RUBCN: variants seen among roughly 807,000 people sequenced by gnomAD.
The protein encoded by RUBCN is run domain Beclin-1-interacting and cysteine-rich domain-containing protein.
In RUBCN, 74 loss-of-function variants were observed where a neutral mutation model predicts 113.2. The ratio of observed to expected loss-of-function variants is 0.65; its 90% CI spans 0.54 to 0.79. The LOEUF (loss-of-function observed/expected upper bound fraction) is 0.79. Ranked by LOEUF, RUBCN falls within the 30% of genes least tolerant of loss-of-function variation. The pLI, the probability that RUBCN is intolerant of heterozygous loss-of-function variation, is 0.00. For missense variants in RUBCN, 1,109 were observed against 1,251.7 expected, an observed-to-expected ratio of 0.89 and a Z score of 1.72; for synonymous variants, 480 against 490.0, an observed-to-expected ratio of 0.98 and a Z score of 0.27.
At position 197,705,144 on chromosome 3, in the gene RUBCN, A is replaced by C. The variant is rs1304189758; in HGVS notation, c.251T>G (p.Phe84Cys). ...ACRRQTDYWQ[F>C]VKDIRWLSPH... ...ACTGAGCCACCGGATGTCTTTCACG[A>C]ACTGCCAGTAATCCGTCTGGCGGCG... Residue 84 changes from phenylalanine (F) to cysteine (C), a missense_variant, in exon 3 of 20, where the codon TTC becomes TGC. Phe to Cys is a radical substitution (Grantham distance 205). Coordinates refer to ENST00000296343, the MANE Select transcript of RUBCN (RefSeq NM_014687.4). 2 of 1,614,180 alleles carry C rather than the reference A, an allele frequency of 1.2e-6. No individual in the cohort carries two copies. Among genetic ancestry groups the C allele is most frequent in the Admixed American group, 3.3e-5 (2 of 60,034 alleles).
chr3:197,702,945 A>G (rs1160997481), intron 5 of RUBCN, among the ~76,000 whole-genome samples: 1 of 152,154 alleles, frequency 6.6e-6, no homozygotes, highest in African/African-American at 2.4e-5. Flanking sequence ...TCTTTTCCCC[A>G]GATCTTTGTC....
In RUBCN at chr3:197,674,684, G is replaced by T; in HGVS notation, c.*334C>A. The T allele has an allele frequency of 2.3e-6, 1 of 434,044 alleles. No individual in the cohort carries two copies. The allele number at this position is 434,044 out of a possible 1,614,324, so 26.9% of individuals were successfully genotyped here. ...ATACCTGACATGCAGGTGAAACCTA[G>T]AGGAGAAGGCCACAGACGCTGGAAG... On this transcript the variant is annotated 3_prime_UTR_variant, in exon 20 of 20. Transcript: ENST00000296343.
intron 1 of RUBCN, among the ~76,000 whole-genome samples, chr3:197,742,351 G>A (rs1005273068): frequency 4.9e-4 from 75 of 152,172 alleles, no homozygotes; most frequent in African/African-American, 1.7e-3. Context: ...AAATCAGCTG[G>A]GCTTGGTGGC....
At position 197,670,838 on chromosome 3, in the gene RUBCN, T is replaced by A. The variant is rs1719718382; in HGVS notation, c.*4180A>T. Reference sequence around the variant, plus strand: ...GACTGAAGGACATTTGGGATGTGTGTCCTCTGATGATGACTGCTGGACAAA... The same window carrying A: ...GACTGAAGGACATTTGGGATGTGTGACCTCTGATGATGACTGCTGGACAAA... On this transcript the variant is annotated 3_prime_UTR_variant, in exon 20 of 20. Transcript: ENST00000296343. Among the ~76,000 whole-genome samples the A allele has an allele frequency of 6.6e-6, 1 of 152,168 alleles. No individual in the cohort carries two copies. Among genetic ancestry groups the A allele is most frequent in the Non-Finnish European group, 1.5e-5 (1 of 68,034 alleles).
chr3:197,689,116 C>G (rs753110382), intron 11 of RUBCN, among the ~76,000 whole-genome samples: 1 of 151,654 alleles, frequency 6.6e-6, no homozygotes, highest in Non-Finnish European at 1.5e-5. Flanking sequence ...GCCTCAACCT[C>G]CCCAGATCAA....
chr3:197,676,934 C>T lies in RUBCN; in HGVS notation c.2597G>A (p.Arg866Gln), dbSNP rs202160344. The stretch of plus-strand genomic sequence containing the variant: ...CCCTGCCCTGGTGAGCTCAGCAAGC[C>T]GGGGCCCCAGCTCCCCCTTCCTGGT... ...TATRKGELGP[R>Q]LAELTRAGAT... The change falls in exon 18 of 20, where the codon CGG becomes CAG. Residue 866 changes from arginine to glutamine, a missense_variant. Around this residue, in one of 3 missense-constraint regions of RUBCN, gnomAD observed 306 missense variants for 348.9 expected, o/e 0.88. Transcript: ENST00000296343. The T allele has an allele frequency of 3.5e-5, 56 of 1,614,086 alleles. No individual in the cohort carries two copies. Among genetic ancestry groups the T allele is most frequent in the South Asian group, 2.5e-4 (23 of 91,088 alleles).
chr3:197,709,384 GT>G (rs111290634), intron 2 of RUBCN, among the ~76,000 whole-genome samples: 13 of 149,722 alleles, frequency 8.7e-5, no homozygotes, highest in East Asian at 7.8e-4. Context: ...GCTACTATGG[GT>G]TTTTTTTTTC....
At chr3:197,678,116 T>C (rs976589995) in intron 16 of RUBCN, among the ~76,000 whole-genome samples, 4 of 135,198 alleles carry the variant, frequency 3.0e-5, no homozygotes, top group Admixed American at 1.4e-4. Flanking sequence ...CAGACTGTCC[T>C]ACGCTCTAAC....
Position 197,669,324 on chromosome 3 carries a change from A to T in RUBCN, c.*5694T>A, listed in dbSNP as rs988220081. Among the ~76,000 whole-genome samples the T allele has an allele frequency of 5.9e-5, 9 of 152,166 alleles. No individual in the cohort carries two copies. Among genetic ancestry groups the T allele is most frequent in the Non-Finnish European group, 1.0e-4 (7 of 68,030 alleles). On this transcript the variant is annotated 3_prime_UTR_variant, in exon 20 of 20. Transcript: ENST00000296343. ...GATCCCACCCGGGATCCCACATGGC[A>T]TTCAGTCATCGTATCTGCTTAGTCT...
rs758770301 is a variant in RUBCN, at chr3:197,669,169, T to C, written c.*5849A>G. Among the ~76,000 whole-genome samples the C allele has an allele frequency of 6.6e-6, 1 of 152,236 alleles. No individual in the cohort carries two copies. The highest frequency in any genetic ancestry group is 1.5e-5 in the Non-Finnish European group (1 of 68,054). The stretch of plus-strand genomic sequence containing the variant: ...ATTTCAGCTCTCCCTAATGTTACCA[T>C]CTTACATTACTGTAGTACTGGACAT... On this transcript the variant is annotated 3_prime_UTR_variant, in exon 20 of 20. Coordinates refer to ENST00000296343, the MANE Select transcript of RUBCN (RefSeq NM_014687.4).
In RUBCN at chr3:197,731,573, G is replaced by A. The variant is rs1020760337; in HGVS notation, c.65+5082C>T. Among the ~76,000 whole-genome samples the A allele has an allele frequency of 9.7e-4, 147 of 151,770 alleles. 1 individual carries two copies. Among genetic ancestry groups the A allele is most frequent in the African/African-American group, 3.0e-3 (126 of 41,330 alleles). ...TCCTCACTTCCCAGTAGGCGCGACC[G>A]GGCAGAGGCGCCCCTCACCTCCCGG... is the stretch of plus-strand genomic sequence containing the variant. On this transcript the variant is annotated intron_variant, in intron 1 of 19. Coordinates refer to ENST00000296343, the MANE Select transcript of RUBCN (RefSeq NM_014687.4).
rs759638956 is a variant in RUBCN, at chr3:197,676,603, G to T, written c.2646+282C>A. 9 of 1,303,302 alleles carry T rather than the reference G, an allele frequency of 6.9e-6. No individual in the cohort carries two copies. In the South Asian group the frequency reaches 1.4e-4, roughly 20 times the overall value. 80.7% of individuals were successfully genotyped at this position (1,303,302 alleles called of 1,614,324 possible). ...GCTGGGATGAGAGGCCTAAGCCACC[G>T]TGCCTGGCCAACACTTCTTGAGTGA... On this transcript the variant is annotated intron_variant, in intron 18 of 19. Coordinates refer to ENST00000296343, the MANE Select transcript of RUBCN (RefSeq NM_014687.4).
At chr3:197,743,932 C>G (rs1379466158) in intron 1 of RUBCN, among the ~76,000 whole-genome samples, 1 of 151,986 alleles carries the variant, frequency 6.6e-6, no homozygotes, top group African/African-American at 2.4e-5. Flanking sequence ...TGCAGTGAGT[C>G]AAGATTGCGC....
chr3:197,732,664 G>A (rs901473863), intron 1 of RUBCN, among the ~76,000 whole-genome samples: 2 of 152,152 alleles, frequency 1.3e-5, no homozygotes, highest in Middle Eastern at 3.2e-3. Context: ...TTTAGGAAAC[G>A]GAGGGAAAGT....
intron 1 of RUBCN, among the ~76,000 whole-genome samples, chr3:197,732,528 T>A (rs1727637615): frequency 6.6e-6 from 1 of 152,234 alleles, no homozygotes; most frequent in Admixed American, 6.5e-5. Flanking sequence ...TTAGCCAGGA[T>A]GGTCTCGATC....
intron 1 of RUBCN, among the ~76,000 whole-genome samples, chr3:197,733,073 C>G (rs905560724): frequency 1.3e-5 from 2 of 152,158 alleles, no homozygotes; most frequent in African/African-American, 2.4e-5. Context: ...CAAATTAATC[C>G]GTGAACTAGG....
intron 2 of RUBCN, among the ~76,000 whole-genome samples, chr3:197,709,624 C>T (rs1161836191): frequency 1.3e-5 from 2 of 152,076 alleles, no homozygotes; most frequent in African/African-American, 4.8e-5. Flanking sequence ...AGGTGATCCG[C>T]CTGCCTCGGC....
chr3:197,700,355 A>C, intron 7 of RUBCN: 1 of 566,004 alleles, frequency 1.8e-6, no homozygotes. Context: ...GAGTCACGCT[A>C]TCCTCTGATG....
chr3:197,677,054 G>C lies in RUBCN; in HGVS notation c.2493-16C>G. Reference sequence around the variant, plus strand: ...ATCCAGAAGCCTACAGGGAGTGACAGGAGGCAGGTGAGGGAATGAACAGTG... The same window carrying C: ...ATCCAGAAGCCTACAGGGAGTGACACGAGGCAGGTGAGGGAATGAACAGTG... On this transcript the variant is annotated splice_polypyrimidine_tract_variant and intron_variant, in intron 17 of 19. Coordinates refer to ENST00000296343, the MANE Select transcript of RUBCN (RefSeq NM_014687.4). 1 of 1,612,212 alleles carries C rather than the reference G, an allele frequency of 6.2e-7. No homozygotes were observed. The highest frequency in any genetic ancestry group is 2.2e-5 in the East Asian group (1 of 44,888).
Sources: gnomAD v4.1 joint callset for allele counts (sites outside exome capture counted in the v4.1 genomes callset) on GRCh38, gnomAD v4.1.1 for gene constraint, gnomAD v4.1.1 regional missense constraint, MANE v1.5 for transcripts, NCBI Gene and HGNC (gene_info 2026-07-23, HGNC 2026-07-21) for gene names.